The following HLA-DPA1 variants were observed in gnomAD, a reference collection of about 807,000 sequenced individuals.
The protein encoded by HLA-DPA1 is major histocompatibility complex, class II, DP alpha 1.
HLA-DPA1 carries 20 observed loss-of-function variants against 21.5 expected under a neutral mutation model. The ratio of observed to expected loss-of-function variants is 0.93; its 90% confidence interval spans 0.66 to 1.35. The LOEUF (loss-of-function observed/expected upper bound fraction) is 1.35, where lower values mean the gene tolerates loss of function less well. HLA-DPA1 is among the 40% of genes most tolerant of loss of function. The pLI, the probability that HLA-DPA1 is intolerant of heterozygous loss-of-function variation, is 0.00. For missense variants in HLA-DPA1, 279 were observed against 323.0 expected (o/e 0.86, Z 1.05); for synonymous variants, 123 against 129.6 (o/e 0.95, Z 0.35).
rs143297550 is a variant in HLA-DPA1, at chr6:33,074,321, T to A, written c.-99-652A>T. ...CATTTTTATCTTTAAATTACTAGTC[T>A]TGTTATTTCATTTTCATATAAGAAT... On this transcript the variant is annotated intron_variant, in intron 1 of 5. Transcript: ENST00000419277. Among the ~76,000 whole-genome samples, 541 of 152,298 alleles carry A rather than the reference T, an allele frequency of 3.6e-3. 3 individuals carry two copies. The highest frequency in any genetic ancestry group is 0.025 in the East Asian group (132 of 5,190).
exon 3 of HLA-DPA1, chr6:33,069,781 T>C (rs771429841): frequency 6.2e-7 from 1 of 1,612,234 alleles, no homozygotes; most frequent in South Asian, 1.1e-5. Context: ...GGTCTCCTTC[T>C]TGTCCAGATC....
intron 1 of HLA-DPA1, among the ~76,000 whole-genome samples, chr6:33,078,815 C>CTGG (rs2150369886): frequency 6.6e-6 from 1 of 152,172 alleles, no homozygotes; most frequent in African/African-American, 2.4e-5. Context: ...CGTTCTCTTA[C>CTGG]TGGTGATTGA....
exon 5 of HLA-DPA1, chr6:33,068,802 C>T: frequency 6.2e-7 from 1 of 1,612,642 alleles, no homozygotes; most frequent in Non-Finnish European, 8.5e-7. Flanking sequence ...GGCTCTTGGG[C>T]CTCTGGGGGA....
intron 5 of HLA-DPA1, chr6:33,067,454 T>A (rs1762018709): frequency 1.3e-5 from 2 of 152,196 alleles, no homozygotes; most frequent in Admixed American, 1.3e-4. Flanking sequence ...CCTTCCACCA[T>A]GAGTAAAAGC....
In HLA-DPA1 at chr6:33,068,622, C is replaced by CT. The variant is rs111559071; in HGVS notation, c.*12+15dup. ...TACATTCTACAAATCCTAGGGCCTCCTCTTTACATTCCCACCTTTACAGTA... is the reference window on the plus strand; with the variant it reads ...TACATTCTACAAATCCTAGGGCCTCCTTCTTTACATTCCCACCTTTACAGTA... On this transcript the variant is annotated intron_variant, in intron 5 of 5. Transcript: ENST00000419277. 0.21 allele frequency: 322,610 copies of CT among 1,569,674 alleles called. 44,802 individuals are homozygous for CT. The highest frequency in any genetic ancestry group is 0.64 in the East Asian group (28,143 of 44,058).
chr6:33,072,530 G>A (rs4501465), intron 2 of HLA-DPA1, among the ~76,000 whole-genome samples: 12,246 of 152,208 alleles, frequency 0.08, 1,361 homozygotes, highest in East Asian at 0.54. Flanking sequence ...CATAACATTA[G>A]AAATAACTCA....
At chr6:33,078,026 A>G (rs1051576831) in intron 1 of HLA-DPA1, among the ~76,000 whole-genome samples, 7 of 152,174 alleles carry the variant, frequency 4.6e-5, no homozygotes, top group African/African-American at 1.7e-4. Flanking sequence ...CACTGGTGAC[A>G]CTGAACAGTG....
intron 5 of HLA-DPA1, 128 bp downstream of exon 4, chr6:33,068,509 CG>C (rs1762073274): frequency 2.9e-6 from 2 of 691,732 alleles, no homozygotes; most frequent in African/African-American, 3.7e-5. Flanking sequence ...AGTTAGTTAT[CG>C]GTGTTGTTGT....
chr6:33,075,825 T>C, intron 1 of HLA-DPA1: 1 of 556,066 alleles, frequency 1.8e-6, no homozygotes. Context: ...ACAGGCTTTA[T>C]ATTTTCAGAC....
intron 2 of HLA-DPA1, 87 bp downstream of exon 1, chr6:33,073,384 C>G: frequency 1.2e-6 from 1 of 841,356 alleles, no homozygotes; most frequent in South Asian, 1.4e-5. Flanking sequence ...TCAATGAGCC[C>G]CTAAAATCTG....
chr6:33,068,925 G>A, intron 4 of HLA-DPA1, 94 bp downstream of exon 3: 6 of 1,540,262 alleles, frequency 3.9e-6, no homozygotes, highest in Non-Finnish European at 5.3e-6. Context: ...GGAGAGGACT[G>A]AGACCCAGCC....
chr6:33,071,707 A>G (rs13196639), intron 2 of HLA-DPA1, among the ~76,000 whole-genome samples: 43,847 of 151,912 alleles, frequency 0.29, 8,383 homozygotes, highest in East Asian at 0.69. Context: ...GCAGATACGT[A>G]GGTATACACA....
intron 1 of HLA-DPA1, among the ~76,000 whole-genome samples, chr6:33,074,067 ATAAT>A (rs1762420699): frequency 1.3e-5 from 2 of 152,226 alleles, no homozygotes; most frequent in African/African-American, 4.8e-5. Context: ...AATAAAATAT[ATAAT>A]TAATCTTTCT....
chr6:33,075,203 T>A (rs1762478358), intron 1 of HLA-DPA1, among the ~76,000 whole-genome samples: 1 of 152,224 alleles, frequency 6.6e-6, no homozygotes, highest in Non-Finnish European at 1.5e-5. Flanking sequence ...ACTTTATTTT[T>A]CCAAAGCAAT....
chr6:33,069,047 G>T (rs571128277), exon 4 of HLA-DPA1: 1 of 1,613,044 alleles, frequency 6.2e-7, no homozygotes, highest in Non-Finnish European at 8.5e-7. Flanking sequence ...GCTGGTCCAA[G>T]CCCCAGTGCT....
At chr6:33,069,086 T>G (rs779689086) in exon 4 of HLA-DPA1, 1 of 1,613,048 alleles carries the variant, frequency 6.2e-7, no homozygotes, top group South Asian at 1.1e-5. Flanking sequence ...AGTCCTCTGC[T>G]GAGGGCACAA....
intron 2 of HLA-DPA1, among the ~76,000 whole-genome samples, chr6:33,070,220 C>T (rs1762211755): frequency 6.6e-6 from 1 of 150,616 alleles, no homozygotes; most frequent in African/African-American, 2.5e-5. Context: ...CTTACTTGTG[C>T]CAGGCATCCT....
intron 1 of HLA-DPA1, chr6:33,079,656 A>C (rs916366440): frequency 6.4e-6 from 3 of 471,592 alleles, no homozygotes; most frequent in Non-Finnish European, 8.3e-6. Flanking sequence ...AACAAAAAAA[A>C]CATGCTGCCC....
chr6:33,065,686 A>G (rs1175071197), intron 5 of HLA-DPA1: 1 of 152,248 alleles, frequency 6.6e-6, no homozygotes, highest in Non-Finnish European at 1.5e-5. Flanking sequence ...GAAGGGACAA[A>G]TATCCAAACC....
Sources: allele counts gnomAD v4.1 joint callset (sites outside exome capture counted in the v4.1 genomes callset), GRCh38; gene constraint gnomAD v4.1.1; transcripts MANE v1.5; gene names NCBI Gene and HGNC (gene_info 2026-07-23, HGNC 2026-07-21).